DMAC2L: variants seen among roughly 807,000 people sequenced by gnomAD.
DMAC2L encodes the protein distal membrane arm assembly component 2 like, also known as ATP synthase subunit s, mitochondrial.
A neutral mutation model predicts 22.5 loss-of-function variants in DMAC2L; 21 were observed. That is an observed-to-expected ratio of 0.93 (90% confidence interval 0.66 to 1.34). DMAC2L has a LOEUF of 1.34. Among genes scored for constraint, DMAC2L ranks in the 40% most tolerant of loss-of-function variants. The probability of loss-of-function intolerance (pLI) is 0.00; values close to 1 mark genes in which losing one functional copy is unlikely to be tolerated. For synonymous variants in DMAC2L, 86 were observed against 89.5 expected (o/e 0.96, Z 0.22); for missense variants, 239 against 246.5 (o/e 0.97, Z 0.20).
intron 4 of DMAC2L, 28 bp downstream of exon 4, chr14:50,322,747 A>C: frequency 6.2e-7 from 1 of 1,613,880 alleles, no homozygotes; most frequent in Non-Finnish European, 8.5e-7. Context: ...TTGCTAATAG[A>C]AAATGCAGAT....
At position 50,321,496 on chromosome 14, in the gene DMAC2L, G is replaced by A. The variant is rs771181467; in HGVS notation, c.9G>A (p.Pro3=). 2.7e-5 allele frequency: 43 copies of A among 1,613,770 alleles called. No individual in the cohort carries two copies. The highest frequency in any genetic ancestry group is 4.0e-5 in the African/African-American group (3 of 74,914). MM[P]FGKISQQLCG... Reference sequence around the variant, plus strand: ...TTGTGTGTCTAGATCAAATGATGCCGTTTGGAAAAATTTCCCAGCAGTTGT... The same window carrying A: ...TTGTGTGTCTAGATCAAATGATGCCATTTGGAAAAATTTCCCAGCAGTTGT... The change falls in exon 3 of 6, where the codon CCG becomes CCA. Residue 3 remains proline, a synonymous_variant. Transcript: ENST00000557421.
At chr14:50,320,187 G>T (rs191074995) in intron 2 of DMAC2L, among the ~76,000 whole-genome samples, 2 of 152,166 alleles carry the variant, frequency 1.3e-5, no homozygotes, top group African/African-American at 4.8e-5. Flanking sequence ...TCTGCCTCCC[G>T]GGTTCAAGCG....
At chr14:50,312,452 G>A in intron 1 of DMAC2L, 63 bp downstream of exon 1, 2 of 490,188 alleles carry the variant, frequency 4.1e-6, no homozygotes, top group South Asian at 2.2e-5. Flanking sequence ...TTCTGCCCTC[G>A]CCCGTCGCCA....
intron 1 of DMAC2L, chr14:50,312,625 C>CCCTCG (rs763105000): frequency 0.077 from 20,615 of 268,802 alleles, 1,227 homozygotes; most frequent in Non-Finnish European, 0.091. Context: ...CTCGGCCCCG[C>CCCTCG]CCCCGCCCCG....
At position 50,326,467 on chromosome 14, in the gene DMAC2L, G is replaced by C; in HGVS notation, c.*744G>C. On this transcript the variant is annotated 3_prime_UTR_variant, in exon 6 of 6. Coordinates refer to ENST00000557421, the MANE Select transcript of DMAC2L (RefSeq NM_001382507.1). ...GCTAAATTACAGATTCATTGATGGA[G>C]TCAATTATGCAAAGTGGTCAGTGGT... 1.0e-6 allele frequency: 1 copy of C among 985,334 alleles called. No individual in the cohort carries two copies. The highest frequency in any genetic ancestry group is 1.7e-5 in the African/African-American group (1 of 57,346). The allele number at this position is 985,334 out of a possible 1,614,324, so 61.0% of individuals were successfully genotyped here. A position where few individuals can be genotyped will look rare whatever the true frequency, so the allele number is the denominator to read the frequency against.
At chr14:50,316,158 T>C (rs1469152350) in intron 2 of DMAC2L, among the ~76,000 whole-genome samples, 6 of 152,154 alleles carry the variant, frequency 3.9e-5, no homozygotes, top group Non-Finnish European at 8.8e-5. Flanking sequence ...TCCTGATGAT[T>C]AGTGATGTTG....
At chr14:50,319,167 A>G in intron 2 of DMAC2L, 2 of 1,534,680 alleles carry the variant, frequency 1.3e-6, no homozygotes, top group East Asian at 4.9e-5. Context: ...ATTGACAACT[A>G]ATAGAGTTAT....
Position 50,312,947 on chromosome 14 carries a change from A to G in DMAC2L, c.-42+558A>G. 5 of 1,586,752 alleles carry G rather than the reference A, an allele frequency of 3.2e-6. No individual in the cohort carries two copies. In the South Asian group the frequency reaches 4.4e-5, roughly 14 times the overall value. ...CCCGGCACTGGGTACCGGAAGAACC[A>G]GACAGCTCGGTTTTTGCCACCATTT... On this transcript the variant is annotated intron_variant, in intron 1 of 5. Coordinates refer to ENST00000557421, the MANE Select transcript of DMAC2L (RefSeq NM_001382507.1).
chr14:50,317,880 G>C (rs2031945808), intron 2 of DMAC2L, among the ~76,000 whole-genome samples: 1 of 152,152 alleles, frequency 6.6e-6, no homozygotes, highest in African/African-American at 2.4e-5. Flanking sequence ...TTGGCTGTGG[G>C]TTTGTCATAG....
chr14:50,323,311 G>A (rs769431373), intron 4 of DMAC2L, among the ~76,000 whole-genome samples: 52 of 150,728 alleles, frequency 3.4e-4, no homozygotes, highest in Admixed American at 6.6e-4. Flanking sequence ...GGATGGTCTC[G>A]ATCTCCTGAC....
chr14:50,322,378 T>TCA, intron 3 of DMAC2L, 133 bp from the exon 4 acceptor site: 1 of 883,508 alleles, frequency 1.1e-6, no homozygotes, highest in East Asian at 3.2e-5. Flanking sequence ...TGCATGGATC[T>TCA]CACTAATTTA....
chr14:50,311,969 G>A (rs2031237902), upstream of DMAC2L: 5 of 1,542,918 alleles, frequency 3.2e-6, no homozygotes, highest in East Asian at 7.3e-5. Flanking sequence ...CCTCCGCGAG[G>A]GGCAGCAGCG....
At position 50,314,625 on chromosome 14, in the gene DMAC2L, TG is replaced by T. The variant is rs2139267206; in HGVS notation, c.-6+1del. 2.2e-6 allele frequency: 1 copy of T among 454,884 alleles called. No homozygotes were observed. The highest frequency in any genetic ancestry group is 6.9e-5 in the East Asian group (1 of 14,404). 28.2% of individuals were successfully genotyped at this position (454,884 alleles called of 1,614,324 possible). On this transcript the variant is annotated splice_region_variant and 5_prime_UTR_variant, in exon 2 of 6. It removes an upstream start codon present in the reference 5' UTR. Coordinates refer to ENST00000557421, the MANE Select transcript of DMAC2L (RefSeq NM_001382507.1). ...CCAAGAGTACAATTGCTGGGTCATATGGTAAGTGCATGTTTATTTTTTATTT... is the reference window on the plus strand; with the variant it reads ...CCAAGAGTACAATTGCTGGGTCATATGTAAGTGCATGTTTATTTTTTATTT...
chr14:50,317,958 G>A (rs944937719), intron 2 of DMAC2L, among the ~76,000 whole-genome samples: 8 of 152,264 alleles, frequency 5.3e-5, no homozygotes, highest in Non-Finnish European at 1.0e-4. Context: ...ATCACAAAGG[G>A]ATGCTGGATT....
chr14:50,311,958 G>A, upstream of DMAC2L: 4 of 1,538,918 alleles, frequency 2.6e-6, no homozygotes, highest in Non-Finnish European at 3.5e-6. Flanking sequence ...ACCACCAGGT[G>A]CCTCCGCGAG....
At position 50,322,492 on chromosome 14, in the gene DMAC2L, T is replaced by G. The variant is rs1566559853; in HGVS notation, c.108-19T>G. 2 of 1,579,834 alleles carry G rather than the reference T, an allele frequency of 1.3e-6. No homozygotes were observed. The highest frequency in any genetic ancestry group is 8.6e-7 in the Non-Finnish European group (1 of 1,158,068). ...GTGATTATTGTAAAAGCAAACTGCT[T>G]TTTTTCTCTTGCCAACAGGGTGGAT... On this transcript the variant is annotated intron_variant, in intron 3 of 5. Transcript: ENST00000557421.
intron 2 of DMAC2L, among the ~76,000 whole-genome samples, chr14:50,315,374 A>G (rs1005660421): frequency 6.6e-6 from 1 of 151,972 alleles, no homozygotes; most frequent in East Asian, 1.9e-4. Flanking sequence ...TTAGAATAAT[A>G]AACTCCAGGC....
chr14:50,312,489 C>T (rs1362211356), intron 1 of DMAC2L, 100 bp downstream of exon 1: 1 of 408,744 alleles, frequency 2.4e-6, no homozygotes, highest in Admixed American at 4.0e-5. Context: ...AAACCTGGCC[C>T]TTTGGGTCGC....
intron 2 of DMAC2L, chr14:50,319,162 C>T: frequency 6.5e-7 from 1 of 1,528,916 alleles, no homozygotes; most frequent in Non-Finnish European, 8.7e-7. Context: ...ATAAGATTGA[C>T]AACTAATAGA....
Sources: allele counts gnomAD v4.1 joint callset (sites outside exome capture counted in the v4.1 genomes callset), GRCh38; gene constraint gnomAD v4.1.1; transcripts MANE v1.5; gene names NCBI Gene and HGNC (gene_info 2026-07-23, HGNC 2026-07-21).